KIAA1328: variants seen among roughly 807,000 people sequenced by gnomAD.
KIAA1328 encodes protein hinderin.
Under a neutral mutation model 68.1 loss-of-function variants are expected in KIAA1328, and 52 were observed. The observed-to-expected ratio is 0.76, with a 90% CI of 0.61 to 0.96. The LOEUF is 0.96. Ranked by LOEUF, KIAA1328 falls within the 40% of genes least tolerant of loss-of-function variation. KIAA1328 has a pLI of 0.00. For synonymous variants in KIAA1328, 232 were observed against 239.4 expected (o/e 0.97, Z 0.28); for missense variants, 641 against 677.6 (o/e 0.95, Z 0.60).
intron 6 of KIAA1328, among the ~76,000 whole-genome samples, chr18:37,027,852 G>A (rs1432205125): frequency 6.6e-6 from 1 of 152,072 alleles, no homozygotes; most frequent in Non-Finnish European, 1.5e-5. Context: ...GGCAACAAAA[G>A]CCAAAATTGA....
At chr18:37,173,981 A>C (rs1383062006) in intron 9 of KIAA1328, among the ~76,000 whole-genome samples, 2 of 152,188 alleles carry the variant, frequency 1.3e-5, no homozygotes, top group African/African-American at 4.8e-5. Flanking sequence ...TCATTCCTTT[A>C]ATTCTGGAGC....
At chr18:37,142,955 GT>G (rs1415751411) in intron 7 of KIAA1328, among the ~76,000 whole-genome samples, 1 of 126,542 alleles carries the variant, frequency 7.9e-6, no homozygotes, top group Non-Finnish European at 1.7e-5. Flanking sequence ...TTTTTTTTTT[GT>G]TTTTTTTTTG....
At chr18:36,971,014 C>A (rs369533390) in intron 6 of KIAA1328, among the ~76,000 whole-genome samples, 2 of 152,156 alleles carry the variant, frequency 1.3e-5, no homozygotes, top group African/African-American at 4.8e-5. Context: ...GCAAAAAGAG[C>A]AAAGCTGGAG....
intron 6 of KIAA1328, among the ~76,000 whole-genome samples, chr18:36,989,870 A>G (rs1318173420): frequency 1.3e-5 from 2 of 151,772 alleles, no homozygotes; most frequent in Admixed American, 6.6e-5. Context: ...AATTTTTTGT[A>G]TTTTTAGTAG....
intron 5 of KIAA1328, among the ~76,000 whole-genome samples, chr18:36,926,337 T>C (rs909125663): frequency 1.3e-5 from 2 of 152,024 alleles, no homozygotes; most frequent in Non-Finnish European, 2.9e-5. Context: ...AGAGGAAAAC[T>C]GGTTTCACTC....
At chr18:37,025,558 G>C (rs79678392) in intron 6 of KIAA1328, among the ~76,000 whole-genome samples, 6 of 152,150 alleles carry the variant, frequency 3.9e-5, no homozygotes, top group African/African-American at 1.2e-4. Flanking sequence ...TAGAGCTCAG[G>C]ATTAAGAAAC....
intron 6 of KIAA1328, among the ~76,000 whole-genome samples, chr18:37,034,418 A>G (rs892202562): frequency 3.3e-5 from 5 of 152,214 alleles, no homozygotes; most frequent in African/African-American, 1.2e-4. Context: ...CTAAAATAAT[A>G]AAATGGAATA....
intron 9 of KIAA1328, among the ~76,000 whole-genome samples, chr18:37,187,978 T>C (rs1259503315): frequency 6.6e-6 from 1 of 152,168 alleles, no homozygotes; most frequent in Non-Finnish European, 1.5e-5. Context: ...GTTTATAGAA[T>C]ATAAATGAGC....
At chr18:37,190,413 C>A (rs959721255) in intron 9 of KIAA1328, among the ~76,000 whole-genome samples, 1 of 152,106 alleles carries the variant, frequency 6.6e-6, no homozygotes, top group Admixed American at 6.5e-5. Context: ...AAAGTTAAAT[C>A]AAGCAATTAG....
At chr18:37,088,315 A>T (rs929304136) in intron 7 of KIAA1328, among the ~76,000 whole-genome samples, 4 of 152,166 alleles carry the variant, frequency 2.6e-5, no homozygotes, top group African/African-American at 9.6e-5. Context: ...TTAGAAGAGA[A>T]TAGAGATACG....
intron 6 of KIAA1328, among the ~76,000 whole-genome samples, chr18:37,025,819 G>A (rs1160531248): frequency 1.3e-5 from 2 of 152,032 alleles, no homozygotes; most frequent in African/African-American, 2.4e-5. Context: ...AAGAACTAGA[G>A]AAGCAAGAGC....
In KIAA1328 at chr18:37,177,370, A is replaced by T. The variant is rs1222412519; in HGVS notation, c.1523+4289A>T. Among the ~76,000 whole-genome samples the T allele has an allele frequency of 2.0e-5, 3 of 152,212 alleles. No homozygotes were observed. The East Asian group carries it at 5.8e-4, about 29-fold the overall frequency. On this transcript the variant is annotated intron_variant, in intron 9 of 9. Transcript: ENST00000280020. The stretch of plus-strand genomic sequence containing the variant: ...GGACCCTGATAAGCAGAGGCACACC[A>T]GGCCTACAGTAGCAGGATTAGATTC...
chr18:37,033,343 A>G (rs956610020), intron 6 of KIAA1328, among the ~76,000 whole-genome samples: 5 of 152,134 alleles, frequency 3.3e-5, no homozygotes, highest in Non-Finnish European at 5.9e-5. Context: ...TGTTACATTA[A>G]TGATTATCTT....
rs2057233553 is a variant in KIAA1328 at position 37,090,335 on chromosome 18, G to A, written c.1232+22790G>A. Among the ~76,000 whole-genome samples, 6 of 152,228 alleles carry A rather than the reference G, an allele frequency of 3.9e-5. No homozygotes were observed. The South Asian group carries it at 1.2e-3, about 32-fold the overall frequency. The stretch of plus-strand genomic sequence containing the variant: ...TTATTTAGGGAGTTCTAGTGTTAAA[G>A]CCAAAGAGCCTGCAAGGTACAAAGT... On this transcript the variant is annotated intron_variant, in intron 7 of 9. Coordinates refer to ENST00000280020, the MANE Select transcript of KIAA1328 (RefSeq NM_020776.3).
At chr18:36,960,301 G>A (rs114751347) in intron 6 of KIAA1328, among the ~76,000 whole-genome samples, 1,664 of 152,300 alleles carry the variant, frequency 0.011, 39 homozygotes, top group African/African-American at 0.038. Flanking sequence ...AACAGTGGCC[G>A]GGAAGCTCGA....
intron 7 of KIAA1328, among the ~76,000 whole-genome samples, chr18:37,118,789 GT>G (rs1423920151): frequency 2.0e-5 from 3 of 152,246 alleles, no homozygotes; most frequent in South Asian, 4.1e-4. Flanking sequence ...TGGGGAAATG[GT>G]TAGTTGGAGC....
At chr18:36,927,214 G>A (rs145362819) in intron 5 of KIAA1328, among the ~76,000 whole-genome samples, 376 of 152,274 alleles carry the variant, frequency 2.5e-3, no homozygotes, top group African/African-American at 8.2e-3. Context: ...TTTTTCAGGT[G>A]TGACAAATAT....
chr18:37,205,151 A>C (rs988701787), intron 9 of KIAA1328, among the ~76,000 whole-genome samples: 1 of 152,242 alleles, frequency 6.6e-6, no homozygotes, highest in Non-Finnish European at 1.5e-5. Context: ...AAGTCTCACT[A>C]GCCAAAAATG....
intron 4 of KIAA1328, among the ~76,000 whole-genome samples, chr18:36,867,781 G>A (rs1468473426): frequency 6.6e-6 from 1 of 152,042 alleles, no homozygotes; most frequent in Non-Finnish European, 1.5e-5. Context: ...TTTTAGAATT[G>A]GTATACTAGA....
Sources: allele counts gnomAD v4.1 joint callset (sites outside exome capture counted in the v4.1 genomes callset), GRCh38; gene constraint gnomAD v4.1.1; transcripts MANE v1.5; gene names NCBI Gene and HGNC (gene_info 2026-07-23, HGNC 2026-07-21).